Variants in ABHD2 observed in about 807,000 individuals in gnomAD.
ABHD2 encodes the protein abhydrolase domain containing 2, acylglycerol lipase, also known as monoacylglycerol lipase ABHD2.
In ABHD2, 20 loss-of-function variants were observed where a neutral mutation model predicts 48.1. The ratio of observed to expected loss-of-function variants is 0.42; its 90% CI spans 0.29 to 0.60. ABHD2 has a LOEUF of 0.60. ABHD2 is among the 20% of genes least tolerant of loss of function. The probability of loss-of-function intolerance (pLI) is 0.24; values close to 1 mark genes in which losing one functional copy is unlikely to be tolerated. For synonymous variants in ABHD2, 209 were observed against 214.2 expected, an observed-to-expected ratio of 0.98 and a Z score of 0.21; for missense variants, 405 against 550.9, an observed-to-expected ratio of 0.74 and a Z score of 2.65.
intron 1 of ABHD2, among the ~76,000 whole-genome samples, chr15:89,095,253 G>T (rs1220906403): frequency 1.3e-5 from 2 of 152,090 alleles, no homozygotes; most frequent in East Asian, 3.8e-4. Flanking sequence ...TTCCTCTTTT[G>T]CAGTTTCCTT....
chr15:89,048,752 C>T, the ABHD2 span, among the ~76,000 whole-genome samples: 1 of 152,068 alleles, frequency 6.6e-6, no homozygotes, highest in African/African-American at 2.4e-5. Context: ...GCTCCATCAG[C>T]TCCTTTAAGC....
the ABHD2 span, among the ~76,000 whole-genome samples, chr15:89,045,252 C>G: frequency 8.7e-4 from 132 of 151,748 alleles, no homozygotes; most frequent in African/African-American, 2.9e-3. Context: ...CTGTTCTGTT[C>G]CATTGATCTA....
chr15:89,101,053 T>C (rs1369016344), intron 1 of ABHD2, among the ~76,000 whole-genome samples: 1 of 152,248 alleles, frequency 6.6e-6, no homozygotes, highest in Non-Finnish European at 1.5e-5. Context: ...CTTCTAATGG[T>C]ATTTCAGTAT....
chr15:89,150,141 G>A (rs560931789), intron 3 of ABHD2, among the ~76,000 whole-genome samples: 2 of 152,226 alleles, frequency 1.3e-5, no homozygotes, highest in East Asian at 3.9e-4. Flanking sequence ...CAGAAGGTAG[G>A]CATATGAAAT....
intron 4 of ABHD2, among the ~76,000 whole-genome samples, chr15:89,154,130 C>G (rs1340715817): frequency 6.6e-6 from 1 of 152,136 alleles, no homozygotes; most frequent in Non-Finnish European, 1.5e-5. Flanking sequence ...TTTAGAGGTA[C>G]AGTGACTGTT....
rs371762972 is a variant in ABHD2 at position 89,094,471 on chromosome 15, G to T, written c.-107+5908G>T. 3 of 152,308 alleles carry T rather than the reference G, an allele frequency of 2.0e-5. No homozygotes were observed. Among genetic ancestry groups the T allele is most frequent in the African/African-American group, 7.2e-5 (3 of 41,562 alleles). The allele number at this position is 152,308 out of a possible 1,614,324, so 9.4% of individuals were successfully genotyped here. ...GCCTGTAGTGACAGCACTTTGGGAG[G>T]CCGAGGCGGGCGGATCACCTGAGGT... On this transcript the variant is annotated intron_variant, in intron 1 of 10. Coordinates refer to ENST00000352732, the MANE Select transcript of ABHD2 (RefSeq NM_152924.5). The surrounding 1 kb of genome is among the most constrained non-coding windows in gnomAD (Gnocchi z 4.7).
intron 5 of ABHD2, among the ~76,000 whole-genome samples, chr15:89,170,714 A>G (rs1334898598): frequency 2.0e-5 from 3 of 152,234 alleles, no homozygotes; most frequent in South Asian, 4.1e-4. Context: ...GGTATTGGCA[A>G]ACTTCATCTT....
At chr15:89,152,791 G>T (rs549462992) in intron 4 of ABHD2, among the ~76,000 whole-genome samples, 2 of 152,122 alleles carry the variant, frequency 1.3e-5, no homozygotes, top group African/African-American at 2.4e-5. Context: ...GCATTGTTCT[G>T]TCTAGCCTAT....
intron 1 of ABHD2, among the ~76,000 whole-genome samples, chr15:89,089,074 AC>A (rs1410648685): frequency 2.6e-5 from 4 of 152,196 alleles, no homozygotes; most frequent in African/African-American, 9.6e-5. Context: ...AAGCACATTT[AC>A]CGAGTTCGGC....
chr15:89,054,380 A>G, the ABHD2 span, among the ~76,000 whole-genome samples: 3 of 151,776 alleles, frequency 2.0e-5, no homozygotes, highest in Non-Finnish European at 2.9e-5. Flanking sequence ...AAATGTATGC[A>G]TGTCAGAAAT....
chr15:89,082,133 G>A, the ABHD2 span, among the ~76,000 whole-genome samples: 1 of 152,166 alleles, frequency 6.6e-6, no homozygotes, highest in African/African-American at 2.4e-5. The surrounding 1 kb of genome is among the most constrained non-coding windows in gnomAD (Gnocchi z 4.4). Context: ...AGTGTCCCCT[G>A]AGGGATGAAA....
rs532524243 is a variant in ABHD2 at position 89,202,023 on chromosome 15, C to T, written c.*6600C>T. The T allele has an allele frequency of 1.3e-3, 544 of 412,810 alleles. 1 individual carries two copies. Among genetic ancestry groups the T allele is most frequent in the Admixed American group, 1.7e-3 (41 of 23,758 alleles). The allele number at this position is 412,810 out of a possible 1,614,324, so 25.6% of individuals were successfully genotyped here. On this transcript the variant is annotated 3_prime_UTR_variant, in exon 11 of 11. Coordinates refer to ENST00000352732, the MANE Select transcript of ABHD2 (RefSeq NM_152924.5). ...TTTGTTTTGTTTGGGTTTTCTGAAA[C>T]TTAAAATGCTGCCCCGAAAATACTA...
chr15:89,131,212 C>G (rs1246466738), intron 3 of ABHD2, among the ~76,000 whole-genome samples: 1 of 152,218 alleles, frequency 6.6e-6, no homozygotes, highest in African/African-American at 2.4e-5. Context: ...TCAGCCCTCG[C>G]TCCTTCTTCC....
chr15:89,074,865 C>T, the ABHD2 span, among the ~76,000 whole-genome samples: 13 of 152,312 alleles, frequency 8.5e-5, no homozygotes, highest in Non-Finnish European at 5.9e-5. Context: ...CTCAATCTTG[C>T]TGTCATCCTG....
At chr15:89,156,115 C>CTTTTTTTTTTTT (rs1185978751) in intron 5 of ABHD2, among the ~76,000 whole-genome samples, 2 of 85,660 alleles carry the variant, frequency 2.3e-5, no homozygotes, top group Non-Finnish European at 4.2e-5. Flanking sequence ...TTTTTATTGT[C>CTTTTTTTTTTTT]TTTTTTTTTT....
intron 5 of ABHD2, among the ~76,000 whole-genome samples, chr15:89,157,976 A>T (rs2050701723): frequency 1.3e-5 from 2 of 152,018 alleles, no homozygotes; most frequent in African/African-American, 4.8e-5. Context: ...AACACAAAGA[A>T]AACAATGGGG....
At chr15:89,117,682 C>A (rs777132136) in intron 3 of ABHD2, among the ~76,000 whole-genome samples, 3 of 152,184 alleles carry the variant, frequency 2.0e-5, no homozygotes, top group Non-Finnish European at 2.9e-5. Flanking sequence ...TGCTAAGACC[C>A]AGTGGTGGTA....
At chr15:89,130,126 A>G (rs1220684283) in intron 3 of ABHD2, among the ~76,000 whole-genome samples, 2 of 152,270 alleles carry the variant, frequency 1.3e-5, no homozygotes, top group East Asian at 3.8e-4. Context: ...AAAATATGGC[A>G]ATATTGTCAA....
At position 89,091,975 on chromosome 15, in the gene ABHD2, C is replaced by A. The variant is rs183264190; in HGVS notation, c.-107+3412C>A. On this transcript the variant is annotated intron_variant, in intron 1 of 10. Coordinates refer to ENST00000352732, the MANE Select transcript of ABHD2 (RefSeq NM_152924.5). The surrounding 1 kb of genome is among the most constrained non-coding windows in gnomAD (Gnocchi z 5.5). ...GCTTTTCATGGTTCAGCCTTTTTGG[C>A]CAGTGCATGAGTAGGACATTTTTAA... Among the ~76,000 whole-genome samples, 7 of 152,270 alleles carry A rather than the reference C, an allele frequency of 4.6e-5. 1 individual carries two copies. The highest frequency in any genetic ancestry group is 4.6e-4 in the Admixed American group (7 of 15,288).
Sources: gnomAD v4.1 joint callset for allele counts (sites outside exome capture counted in the v4.1 genomes callset) on GRCh38, gnomAD v4.1.1 for gene constraint, Gnocchi (gnomAD v3.1) non-coding constraint, MANE v1.5 for transcripts, NCBI Gene and HGNC (gene_info 2026-07-23, HGNC 2026-07-21) for gene names.